The following AGAP6 variants were observed in gnomAD, a reference collection of about 807,000 sequenced individuals.
AGAP6 encodes ArfGAP with GTPase domain, ankyrin repeat and PH domain 6, also known as arf-GAP with GTPase, ANK repeat and PH domain-containing protein 6.
AGAP6 carries 29 observed loss-of-function variants against 63.9 expected under a neutral mutation model. The observed-to-expected ratio is 0.45, with a 90% confidence interval of 0.34 to 0.62. AGAP6 has a LOEUF of 0.62. Ranked by LOEUF, AGAP6 falls within the 20% of genes least tolerant of loss-of-function variation. The probability of loss-of-function intolerance (pLI) is 0.01; values close to 1 mark genes in which losing one functional copy is unlikely to be tolerated. For missense variants in AGAP6, 493 were observed against 884.9 expected (o/e 0.56, Z 5.62); for synonymous variants, 199 against 332.9 (o/e 0.60, Z 4.38).
intron 4 of AGAP6, among the ~76,000 whole-genome samples, chr10:49,994,831 G>A (rs1220990663): frequency 2.0e-5 from 3 of 151,878 alleles, no homozygotes; most frequent in Non-Finnish European, 4.4e-5. Flanking sequence ...GCGTGGTGGT[G>A]CATGCCTGTA....
rs1395874533 is a variant in AGAP6, at chr10:49,999,268, T to C, written c.397-2728T>C. Among the ~76,000 whole-genome samples, 2 of 132,058 alleles carry C rather than the reference T, an allele frequency of 1.5e-5. 1 individual carries two copies. Among genetic ancestry groups the C allele is most frequent in the African/African-American group, 5.9e-5 (2 of 34,032 alleles). The allele number at this position is 132,058 out of a possible 152,430, so 86.6% of individuals were successfully genotyped here. A position where few individuals can be genotyped will look rare whatever the true frequency, so the allele number is the denominator to read the frequency against. ...AAAAAAAAAAGATAATCCACCATGA[T>C]CAAATGGGTTTCATACCAGGGATGC... On this transcript the variant is annotated intron_variant, in intron 4 of 7. Coordinates refer to ENST00000412531, the MANE Select transcript of AGAP6 (RefSeq NM_001077665.3).
intron 4 of AGAP6, among the ~76,000 whole-genome samples, chr10:49,995,827 T>C (rs1841462607): frequency 6.6e-6 from 1 of 152,258 alleles, no homozygotes; most frequent in Non-Finnish European, 1.5e-5. Flanking sequence ...TTTATGGTTC[T>C]GAAGACATTT....
In AGAP6 at chr10:49,989,396, A is replaced by G; in HGVS notation, c.292+20A>G. 6.3e-7 allele frequency: 1 copy of G among 1,597,452 alleles called. No individual in the cohort carries two copies. Among genetic ancestry groups the G allele is most frequent in the Non-Finnish European group, 8.5e-7 (1 of 1,179,722 alleles). On this transcript the variant is annotated intron_variant, in intron 2 of 7. Transcript: ENST00000412531. ...CAGAAGGTGAGACAACAGTGTCTGT[A>G]GCTCTATTTATTATCCTGTGGTACT... is the stretch of plus-strand genomic sequence containing the variant.
At chr10:49,991,827 C>T in intron 3 of AGAP6, 83 bp downstream of exon 3, 1 of 1,572,412 alleles carries the variant, frequency 6.4e-7, no homozygotes, top group Middle Eastern at 2.3e-4. Flanking sequence ...TAGAAAAACT[C>T]ATATTGGTTT....
rs375096998 is a variant in AGAP6 at position 49,988,410 on chromosome 10, C to T, written c.-306C>T. Reference sequence around the variant, plus strand: ...AGAAGGAGGAGGAACTCCGTCTGTTCTCTCTTCAGGCAGTTGTTGTGTCTC... The same window carrying T: ...AGAAGGAGGAGGAACTCCGTCTGTTTTCTCTTCAGGCAGTTGTTGTGTCTC... On this transcript the variant is annotated 5_prime_UTR_variant, in exon 1 of 8. Coordinates refer to ENST00000412531, the MANE Select transcript of AGAP6 (RefSeq NM_001077665.3). 0.016 allele frequency: 21,077 copies of T among 1,331,584 alleles called. 245 individuals carry two copies. The highest frequency in any genetic ancestry group is 0.019 in the Non-Finnish European group (19,418 of 1,031,192). The allele number at this position is 1,331,584 out of a possible 1,614,324, so 82.5% of individuals were successfully genotyped here.
In AGAP6 at chr10:50,009,963, A is replaced by T. The variant is rs782479740; in HGVS notation, c.1838A>T (p.Glu613Val). ...AILLLAHGSC[E>V]EVNETCGEGD... ...CTGCTGCTGGCACATGGCTCCTGTG[A>T]GGAGGTGAACGAGACCTGTGGGGAG... The change falls in exon 8 of 8, where the codon GAG becomes GTG. Residue 613 changes from glutamate (E) to valine (V), a missense_variant. Around this residue, in one of 7 missense-constraint regions of AGAP6, gnomAD observed 34 missense variants for 82.7 expected, o/e 0.41. Transcript: ENST00000412531. The T allele has an allele frequency of 1.6e-5, 26 of 1,612,244 alleles. No homozygotes were observed. The East Asian group carries it at 5.8e-4, about 36-fold the overall frequency.
chr10:49,993,729 A>C (rs1841372804), intron 3 of AGAP6, among the ~76,000 whole-genome samples: 1 of 151,888 alleles, frequency 6.6e-6, no homozygotes, highest in Non-Finnish European at 1.5e-5. Context: ...CTAAGGCTGA[A>C]GAATTGGTTG....
intron 6 of AGAP6, among the ~76,000 whole-genome samples, chr10:50,005,905 G>C (rs868916440): frequency 2.1e-4 from 30 of 144,202 alleles, no homozygotes; most frequent in Admixed American, 7.5e-4. Flanking sequence ...GGGTGACAGA[G>C]AGAGACTCTG....
intron 4 of AGAP6, among the ~76,000 whole-genome samples, chr10:49,994,988 C>T (rs1335024765): frequency 1.3e-5 from 2 of 148,722 alleles, no homozygotes; most frequent in African/African-American, 4.9e-5. Context: ...AAAAAAGTGC[C>T]TGAAATATTT....
chr10:49,996,605 T>C (rs1841497237), intron 4 of AGAP6, among the ~76,000 whole-genome samples: 1 of 151,276 alleles, frequency 6.6e-6, no homozygotes, highest in South Asian at 2.1e-4. Flanking sequence ...ATATCTCAGG[T>C]TTAAGCCATG....
chr10:49,994,955 C>CA (rs1405381694), intron 4 of AGAP6, among the ~76,000 whole-genome samples: 1 of 123,534 alleles, frequency 8.1e-6, no homozygotes, highest in African/African-American at 3.1e-5. Flanking sequence ...GAGCGAAACT[C>CA]TGTCTCAAAA....
chr10:50,010,347 C>T lies in AGAP6; in HGVS notation c.*161C>T. The stretch of plus-strand genomic sequence containing the variant: ...TACACAAAATGTTGATTTTTCTGAC[C>T]ATAAGACGTATTTTATGTCCTTCTG... On this transcript the variant is annotated 3_prime_UTR_variant, in exon 8 of 8. Transcript: ENST00000412531. The T allele has an allele frequency of 2.2e-6, 3 of 1,336,590 alleles. No homozygotes were observed. Among genetic ancestry groups the T allele is most frequent in the Non-Finnish European group, 3.1e-6 (3 of 972,820 alleles). The allele number at this position is 1,336,590 out of a possible 1,614,324, so 82.8% of individuals were successfully genotyped here.
rs200201966 is a variant in AGAP6, at chr10:50,002,159, G to A, written c.497+63G>A. The A allele has an allele frequency of 1.9e-4, 285 of 1,520,886 alleles. No homozygotes were observed. The African/African-American group carries it at 3.6e-3, about 19-fold the overall frequency. The allele number at this position is 1,520,886 out of a possible 1,614,324, so 94.2% of individuals were successfully genotyped here. ...ATTCTAAAATTATTTCAGTCATTTG[G>A]TTGTCCTTTTCAGCAATCAGTTTAA... On this transcript the variant is annotated intron_variant, in intron 5 of 7. Transcript: ENST00000412531.
chr10:49,990,711 ACT>A (rs1841237779), intron 2 of AGAP6, among the ~76,000 whole-genome samples: 1 of 152,232 alleles, frequency 6.6e-6, no homozygotes, highest in Non-Finnish European at 1.5e-5. Context: ...AGATTTCATT[ACT>A]GTAGAGGAAA....
chr10:49,998,915 A>G (rs1194400777), intron 4 of AGAP6, among the ~76,000 whole-genome samples: 2 of 140,208 alleles, frequency 1.4e-5, no homozygotes, highest in Non-Finnish European at 3.0e-5. Flanking sequence ...TCCCAACGGC[A>G]TATCAAAAAA....
intron 4 of AGAP6, among the ~76,000 whole-genome samples, chr10:49,997,797 C>T (rs868968539): frequency 0.01 from 1,500 of 147,218 alleles, 10 homozygotes; most frequent in South Asian, 0.016. Context: ...CCAGCCTTTC[C>T]CCCAAGTCCC....
chr10:50,007,210 G>GGT (rs1197336306), intron 6 of AGAP6, among the ~76,000 whole-genome samples: 3 of 150,500 alleles, frequency 2.0e-5, no homozygotes, highest in Non-Finnish European at 4.4e-5. Flanking sequence ...TGGCCAACAT[G>GGT]GTGAAACCAC....
At chr10:50,004,847 A>T in intron 6 of AGAP6, 127 bp downstream of exon 6, 4 of 940,500 alleles carry the variant, frequency 4.3e-6, no homozygotes, top group Non-Finnish European at 6.4e-6. Context: ...GAAGCAAATT[A>T]TTTGTATTTT....
intron 3 of AGAP6, among the ~76,000 whole-genome samples, chr10:49,993,086 A>G (rs1168409742): frequency 3.9e-5 from 6 of 152,314 alleles, no homozygotes; most frequent in African/African-American, 1.4e-4. Context: ...TTAAATTACC[A>G]TAATGAGAAT....
Sources: gnomAD v4.1 joint callset for allele counts (sites outside exome capture counted in the v4.1 genomes callset) on GRCh38, gnomAD v4.1.1 for gene constraint, gnomAD v4.1.1 regional missense constraint, MANE v1.5 for transcripts, NCBI Gene and HGNC (gene_info 2026-07-23, HGNC 2026-07-21) for gene names.